Variants in CDKAL1 observed in about 807,000 individuals in gnomAD.
CDKAL1 encodes the protein threonylcarbamoyladenosine tRNA methylthiotransferase.
CDKAL1 carries 32 observed loss-of-function variants against 68.2 expected under a neutral mutation model. That is an observed-to-expected ratio of 0.47 (90% CI 0.35 to 0.63). CDKAL1 has a LOEUF of 0.63. Among genes scored for constraint, CDKAL1 ranks in the 30% least tolerant of loss-of-function variants. CDKAL1 has a pLI of 0.00. For missense variants in CDKAL1, 606 were observed against 696.7 expected (o/e 0.87, Z 1.47); for synonymous variants, 234 against 244.3 (o/e 0.96, Z 0.39).
intron 9 of CDKAL1, among the ~76,000 whole-genome samples, chr6:20,849,338 C>T (rs2150501106): frequency 6.6e-6 from 1 of 152,100 alleles, no homozygotes; most frequent in South Asian, 2.1e-4. Context: ...AATCCCAGCA[C>T]TTTGGGAGGC....
At chr6:20,747,910 G>A (rs2745928) in intron 6 of CDKAL1, among the ~76,000 whole-genome samples, 8,531 of 152,218 alleles carry the variant, frequency 0.056, 268 homozygotes, top group African/African-American at 0.095. Flanking sequence ...CAGTGCCAAG[G>A]CCAATGTCAA....
chr6:20,623,834 A>C (rs1767302660), intron 4 of CDKAL1, among the ~76,000 whole-genome samples: 1 of 152,016 alleles, frequency 6.6e-6, no homozygotes, highest in South Asian at 2.1e-4. Context: ...ACTATTTGTA[A>C]TGTTTGGCCT....
At chr6:20,841,647 G>T (rs1279067312) in intron 8 of CDKAL1, among the ~76,000 whole-genome samples, 2 of 152,196 alleles carry the variant, frequency 1.3e-5, no homozygotes, top group Non-Finnish European at 2.9e-5. Flanking sequence ...GATGGCTCAC[G>T]CCTGTCATCC....
chr6:20,983,939 A>AG (rs1287078552), intron 10 of CDKAL1, among the ~76,000 whole-genome samples: 6 of 152,216 alleles, frequency 3.9e-5, no homozygotes, highest in Non-Finnish European at 7.3e-5. Flanking sequence ...ATCAATCCAT[A>AG]GGAATGATGC....
At chr6:20,693,395 C>A (rs1049533498) in intron 5 of CDKAL1, among the ~76,000 whole-genome samples, 3 of 152,056 alleles carry the variant, frequency 2.0e-5, no homozygotes, top group Non-Finnish European at 4.4e-5. Flanking sequence ...TTCTTTTATT[C>A]AATTCCAGGA....
In CDKAL1 at chr6:20,962,093, T is replaced by A. The variant is rs148183222; in HGVS notation, c.909+6508T>A. 7.9e-5 allele frequency among the ~76,000 whole-genome samples: 12 copies of A among 152,370 alleles called. No homozygotes were observed. In the East Asian group the frequency reaches 2.3e-3, roughly 29 times the overall value. On this transcript the variant is annotated intron_variant, in intron 10 of 15. Coordinates refer to ENST00000274695, the MANE Select transcript of CDKAL1 (RefSeq NM_017774.3). ...GTTAATCTAGATTGCAAGTGCTTAT[T>A]AAGGACTATTCCTATATTCAAATTA...
intron 13 of CDKAL1, among the ~76,000 whole-genome samples, chr6:21,144,825 A>G (rs749505276): frequency 6.6e-6 from 1 of 151,996 alleles, no homozygotes; most frequent in Non-Finnish European, 1.5e-5. Context: ...AAACACAAAC[A>G]AACAAATAAA....
intron 5 of CDKAL1, among the ~76,000 whole-genome samples, chr6:20,651,472 T>C (rs926981857): frequency 6.6e-6 from 1 of 152,210 alleles, no homozygotes; most frequent in Non-Finnish European, 1.5e-5. Flanking sequence ...GATGGGGTTT[T>C]CTAGGAATAG....
At chr6:21,126,716 C>T (rs1775033414) in intron 13 of CDKAL1, among the ~76,000 whole-genome samples, 1 of 152,146 alleles carries the variant, frequency 6.6e-6, no homozygotes, top group Admixed American at 6.5e-5. Context: ...GATAACCTGA[C>T]ATTTCCCTAA....
intron 7 of CDKAL1, among the ~76,000 whole-genome samples, chr6:20,759,609 T>A (rs1343522384): frequency 6.6e-6 from 1 of 152,240 alleles, no homozygotes; most frequent in Non-Finnish European, 1.5e-5. Flanking sequence ...TTAGGTTGTT[T>A]TGTAAGTACT....
chr6:21,170,951 G>A (rs1777359693), intron 13 of CDKAL1, among the ~76,000 whole-genome samples: 1 of 152,050 alleles, frequency 6.6e-6, no homozygotes, highest in African/African-American at 2.4e-5. Flanking sequence ...AAGTAATATT[G>A]TCACCATCAC....
intron 11 of CDKAL1, among the ~76,000 whole-genome samples, chr6:21,022,940 C>A (rs1582046623): frequency 1.3e-5 from 2 of 152,140 alleles, no homozygotes; most frequent in East Asian, 3.9e-4. Flanking sequence ...TAGGCTAGGG[C>A]AGGGCAGGAA....
At chr6:20,597,804 A>G (rs1360989501) in intron 4 of CDKAL1, among the ~76,000 whole-genome samples, 1 of 152,110 alleles carries the variant, frequency 6.6e-6, no homozygotes, top group Non-Finnish European at 1.5e-5. Context: ...TTTTTGTTTA[A>G]TCTATTGTAA....
intron 9 of CDKAL1, among the ~76,000 whole-genome samples, chr6:20,847,168 T>G (rs528457990): frequency 2.0e-5 from 3 of 152,218 alleles, no homozygotes; most frequent in Non-Finnish European, 4.4e-5. Context: ...TCTACTTGTA[T>G]ATTCTTAGCT....
At chr6:20,666,612 C>T (rs528076156) in intron 5 of CDKAL1, among the ~76,000 whole-genome samples, 3 of 151,796 alleles carry the variant, frequency 2.0e-5, no homozygotes, top group Non-Finnish European at 4.4e-5. Flanking sequence ...GCAGCTGATC[C>T]TGGAATCTAC....
At chr6:20,655,194 C>T (rs1768967012) in intron 5 of CDKAL1, among the ~76,000 whole-genome samples, 3 of 152,110 alleles carry the variant, frequency 2.0e-5, no homozygotes. Context: ...TATTTTTATA[C>T]TACTTTAAAT....
chr6:20,774,632 A>G (rs1019348879), intron 7 of CDKAL1, among the ~76,000 whole-genome samples: 2 of 152,210 alleles, frequency 1.3e-5, no homozygotes, highest in African/African-American at 4.8e-5. Context: ...TAGTGTAGCA[A>G]TTACTGTACA....
rs1773762406 is a variant in CDKAL1, at chr6:20,748,554, G to GAAAAAAAAAAAAAAA, written c.468+8939_468+8940insAAAAAAAAAAAAAAA. On this transcript the variant is annotated intron_variant, in intron 6 of 15. Coordinates refer to ENST00000274695, the MANE Select transcript of CDKAL1 (RefSeq NM_017774.3). The stretch of plus-strand genomic sequence containing the variant: ...GGAAAGAGAGCAAGACTCTGTTTCT[G>GAAAAAAAAAAAAAAA]GAAAAAAAAAAAAAAAAAAAAAAAA... Among the ~76,000 whole-genome samples the GAAAAAAAAAAAAAAA allele has an allele frequency of 1.0e-4, 8 of 77,106 alleles. 3 individuals carry two copies. The highest frequency in any genetic ancestry group is 1.8e-4 in the Non-Finnish European group (7 of 39,546). 50.6% of individuals were successfully genotyped at this position (77,106 alleles called of 152,430 possible).
intron 9 of CDKAL1, among the ~76,000 whole-genome samples, chr6:20,873,981 T>TA (rs2150547811): frequency 6.6e-6 from 1 of 152,256 alleles, no homozygotes; most frequent in South Asian, 2.1e-4. Context: ...GGAAGGTGCT[T>TA]AAGGGTGGCA....
Sources: gnomAD v4.1 joint callset for allele counts (sites outside exome capture counted in the v4.1 genomes callset) on GRCh38, gnomAD v4.1.1 for gene constraint, MANE v1.5 for transcripts, NCBI Gene and HGNC (gene_info 2026-07-23, HGNC 2026-07-21) for gene names.